Variants in BICD1 observed in about 807,000 individuals in gnomAD.
The protein encoded by BICD1 is protein bicaudal D homolog 1.
BICD1 carries 35 observed loss-of-function variants against 92.5 expected under a neutral mutation model. The observed-to-expected ratio is 0.38, with a 90% CI of 0.29 to 0.50. The LOEUF (loss-of-function observed/expected upper bound fraction) is 0.50. Ranked by LOEUF, BICD1 falls within the 20% of genes least tolerant of loss-of-function variation. The probability of loss-of-function intolerance (pLI) is 0.93; values close to 1 mark genes in which losing one functional copy is unlikely to be tolerated. For missense variants in BICD1, 950 were observed against 1,189.8 expected (o/e 0.80, Z 2.97); for synonymous variants, 429 against 465.1 (o/e 0.92, Z 1.00).
At chr12:32,146,761 TTTC>T (rs1169377308) in intron 1 of BICD1, among the ~76,000 whole-genome samples, 2 of 151,802 alleles carry the variant, frequency 1.3e-5, no homozygotes, top group African/African-American at 4.8e-5. Context: ...GCGTGGAAGC[TTTC>T]TTATTTCTTC....
intron 3 of BICD1, among the ~76,000 whole-genome samples, chr12:32,304,804 G>A (rs542121454): frequency 6.6e-6 from 1 of 152,268 alleles, no homozygotes; most frequent in South Asian, 2.1e-4. Flanking sequence ...GATTGCTTGA[G>A]CCCAGGAGTT....
Position 32,287,739 on chromosome 12 carries a change from G to A in BICD1, c.427-6255G>A, listed in dbSNP as rs138730833. Among the ~76,000 whole-genome samples the A allele has an allele frequency of 7.5e-3, 1,139 of 152,228 alleles. 6 individuals are homozygous for A. Among genetic ancestry groups the A allele is most frequent in the Middle Eastern group, 0.021 (6 of 292 alleles). ...TTTTTAGTAGAAACGAGGTTTCACC[G>A]TGTTAGCCAGGATGATCTCGATCTC... is the stretch of plus-strand genomic sequence containing the variant. On this transcript the variant is annotated intron_variant, in intron 2 of 9. Transcript: ENST00000652176.
At chr12:32,149,097 A>C (rs1197560149) in intron 1 of BICD1, among the ~76,000 whole-genome samples, 17 of 152,090 alleles carry the variant, frequency 1.1e-4, no homozygotes, top group Admixed American at 1.1e-3. Flanking sequence ...GTCATTTTTA[A>C]GCATTTCATA....
chr12:32,119,058 C>G (rs954638324), intron 1 of BICD1, among the ~76,000 whole-genome samples: 29 of 152,112 alleles, frequency 1.9e-4, no homozygotes, highest in Admixed American at 1.9e-3. Flanking sequence ...GGAGGTGAGA[C>G]TTGAGCCCAG....
intron 2 of BICD1, among the ~76,000 whole-genome samples, chr12:32,219,702 TAAG>T (rs1256681390): frequency 1.3e-5 from 2 of 152,238 alleles, no homozygotes; most frequent in African/African-American, 4.8e-5. Flanking sequence ...CCTTGACTGT[TAAG>T]AAGCTCTGCG....
intron 1 of BICD1, among the ~76,000 whole-genome samples, chr12:32,139,353 T>TTGTG (rs960259702): frequency 6.6e-6 from 1 of 152,018 alleles, no homozygotes; most frequent in Non-Finnish European, 1.5e-5. Flanking sequence ...TCCTCTAATT[T>TTGTG]TGTGTGTGTG....
rs1942566443 is a variant in BICD1 at position 32,132,137 on chromosome 12, G to T, written c.213+24593G>T. Among the ~76,000 whole-genome samples the T allele has an allele frequency of 2.0e-5, 3 of 152,258 alleles. No homozygotes were observed. The South Asian group carries it at 6.2e-4, about 32-fold the overall frequency. On this transcript the variant is annotated intron_variant, in intron 1 of 9. Transcript: ENST00000652176. ...TAAGTGTAAAGATCTTGAGATGGGG[G>T]CTGGGCACTGTGGCTCACACCTGTA...
intron 4 of BICD1, among the ~76,000 whole-genome samples, chr12:32,307,838 G>A (rs1430978744): frequency 6.6e-6 from 1 of 152,166 alleles, no homozygotes; most frequent in Non-Finnish European, 1.5e-5. Context: ...ATAAGAATTT[G>A]TGCCCCCCAG....
intron 1 of BICD1, among the ~76,000 whole-genome samples, chr12:32,195,496 CT>C (rs1406824785): frequency 1.3e-5 from 2 of 152,180 alleles, no homozygotes; most frequent in African/African-American, 4.8e-5. Flanking sequence ...GTCATCTAAT[CT>C]TTGACAAGGG....
Position 32,378,230 on chromosome 12 carries a change from C to T in BICD1, c.*603C>T, listed in dbSNP as rs1400831276. 1 of 152,454 alleles carries T rather than the reference C, an allele frequency of 6.6e-6. No homozygotes were observed. The highest frequency in any genetic ancestry group is 2.4e-5 in the African/African-American group (1 of 41,594). The allele number at this position is 152,454 out of a possible 1,614,324, so 9.4% of individuals were successfully genotyped here. A position where few individuals can be genotyped will look rare whatever the true frequency, so the allele number is the denominator to read the frequency against. On this transcript the variant is annotated 3_prime_UTR_variant, in exon 10 of 10. Transcript: ENST00000652176. ...GCACAAAATGATAAATGAGGTGCAT[C>T]AGAATGTTAACAATAACTGTATTTT...
intron 1 of BICD1, among the ~76,000 whole-genome samples, chr12:32,186,244 C>T (rs1275297057): frequency 1.3e-5 from 2 of 152,128 alleles, no homozygotes; most frequent in East Asian, 3.8e-4. Flanking sequence ...GGTGTACATT[C>T]AATAGTGAGG....
At chr12:32,120,210 T>C (rs557028599) in intron 1 of BICD1, among the ~76,000 whole-genome samples, 3 of 152,346 alleles carry the variant, frequency 2.0e-5, no homozygotes, top group South Asian at 4.1e-4. Flanking sequence ...ATCTCTAACT[T>C]CTTGGTGACT....
At chr12:32,367,820 C>G (rs1939583859) in intron 9 of BICD1, 75 bp downstream of exon 9, 1 of 1,302,658 alleles carries the variant, frequency 7.7e-7, no homozygotes, top group African/African-American at 1.5e-5. Flanking sequence ...TTTCCGACAC[C>G]TGAACTGCCT....
chr12:32,346,560 A>ATATATATATATATATATATACGTGTG (rs1938591745), intron 8 of BICD1, among the ~76,000 whole-genome samples: 1 of 21,156 alleles, frequency 4.7e-5, no homozygotes, highest in Non-Finnish European at 7.8e-5. Flanking sequence ...ATATATATAT[A>ATATATATATATATATATATACGTGTG]TATATATATA....
chr12:32,293,894 A>G, intron 2 of BICD1, 100 bp from the exon 3 acceptor site: 2 of 1,227,616 alleles, frequency 1.6e-6, no homozygotes, highest in Non-Finnish European at 2.2e-6. Context: ...TTTACACCCC[A>G]TGAGGTGTTT....
At chr12:32,311,414 A>C (rs1344853920) in intron 4 of BICD1, among the ~76,000 whole-genome samples, 1 of 152,080 alleles carries the variant, frequency 6.6e-6, no homozygotes, top group Non-Finnish European at 1.5e-5. Flanking sequence ...CAGGAGAATC[A>C]CTTGAACCCA....
At chr12:32,343,797 T>C (rs1565685547) in intron 8 of BICD1, among the ~76,000 whole-genome samples, 1 of 152,202 alleles carries the variant, frequency 6.6e-6, no homozygotes, top group Non-Finnish European at 1.5e-5. Flanking sequence ...CTCACAGAAG[T>C]GTATTAGCCT....
chr12:32,377,719 T>C lies in BICD1; in HGVS notation c.*92T>C. ...GATCCAGCGGGTGTTTTCTTCTCGGTTGTTAGATGTACAATTGGATTAATG... is the reference window on the plus strand; with the variant it reads ...GATCCAGCGGGTGTTTTCTTCTCGGCTGTTAGATGTACAATTGGATTAATG... On this transcript the variant is annotated 3_prime_UTR_variant, in exon 10 of 10. Transcript: ENST00000652176. The C allele has an allele frequency of 1.1e-5, 12 of 1,131,790 alleles. No individual in the cohort carries two copies. Among genetic ancestry groups the C allele is most frequent in the Non-Finnish European group, 1.6e-5 (12 of 749,784 alleles). The allele number at this position is 1,131,790 out of a possible 1,614,324, so 70.1% of individuals were successfully genotyped here.
At chr12:32,204,147 G>C (rs1459846165) in intron 1 of BICD1, among the ~76,000 whole-genome samples, 3 of 150,362 alleles carry the variant, frequency 2.0e-5, no homozygotes, top group African/African-American at 7.4e-5. Context: ...CCAGGAGTTT[G>C]AGGCCAGCCT....
Sources: allele counts gnomAD v4.1 joint callset (sites outside exome capture counted in the v4.1 genomes callset), GRCh38; gene constraint gnomAD v4.1.1; transcripts MANE v1.5; gene names NCBI Gene and HGNC (gene_info 2026-07-23, HGNC 2026-07-21).